MACF1: variants seen among roughly 807,000 people sequenced by gnomAD.
MACF1 encodes the protein microtubule actin crosslinking factor 1, also known as microtubule-actin cross-linking factor 1.
A neutral mutation model predicts 854.8 loss-of-function variants in MACF1; 193 were observed. The ratio of observed to expected loss-of-function variants is 0.23; its 90% CI spans 0.20 to 0.25. The LOEUF (loss-of-function observed/expected upper bound fraction) is 0.25, where lower values mean the gene tolerates loss of function less well. Ranked by LOEUF, MACF1 falls within the 10% of genes least tolerant of loss-of-function variation. MACF1 has a pLI of 1.00. For missense variants in MACF1, 7,722 were observed against 8,929.1 expected (o/e 0.86, Z 5.45); for synonymous variants, 3,185 against 3,226.7 (o/e 0.99, Z 0.44).
At chr1:39,452,615 T>A in intron 86 of MACF1, 69 bp from the exon 87 acceptor site, 2 of 1,595,300 alleles carry the variant, frequency 1.3e-6, no homozygotes, top group Non-Finnish European at 1.7e-6. Flanking sequence ...ACCCTTTCCC[T>A]AGCATGTCCC....
intron 87 of MACF1, among the ~76,000 whole-genome samples, chr1:39,453,237 G>A (rs937806563): frequency 2.6e-5 from 4 of 152,070 alleles, no homozygotes; most frequent in Non-Finnish European, 4.4e-5. Context: ...GGTGGGAAAT[G>A]TTTCCCTTTT....
intron 58 of MACF1, chr1:39,410,505 TA>T (rs1642942476): frequency 6.2e-7 from 1 of 1,613,920 alleles, no homozygotes; most frequent in Non-Finnish European, 8.5e-7. Flanking sequence ...GAGCAGCATC[TA>T]ATGTTTTTGA....
chr1:39,367,227 G>A (rs1011679901), intron 49 of MACF1, among the ~76,000 whole-genome samples: 4 of 151,168 alleles, frequency 2.6e-5, no homozygotes, highest in Non-Finnish European at 4.4e-5. Context: ...GATTACAGAC[G>A]TGAGCCACCG....
At chr1:39,323,630 A>G (rs938338638) in intron 33 of MACF1, among the ~76,000 whole-genome samples, 1 of 152,060 alleles carries the variant, frequency 6.6e-6, no homozygotes, top group African/African-American at 2.4e-5. Context: ...TATGTATTTT[A>G]GACTTGTTTG....
At chr1:39,161,831 C>T (rs1009056584) in intron 2 of MACF1, among the ~76,000 whole-genome samples, 14 of 151,550 alleles carry the variant, frequency 9.2e-5, no homozygotes, top group Non-Finnish European at 2.1e-4. Context: ...CGTGCCACTG[C>T]ACTCCAGCTT....
intron 58 of MACF1, chr1:39,414,051 C>T: frequency 2.5e-6 from 4 of 1,607,008 alleles, no homozygotes; most frequent in Non-Finnish European, 2.5e-6. Flanking sequence ...CTGCAGTGCT[C>T]ACCCCAGAGG....
intron 44 of MACF1, among the ~76,000 whole-genome samples, chr1:39,355,642 T>G (rs1032012583): frequency 6.6e-6 from 1 of 152,030 alleles, no homozygotes; most frequent in Non-Finnish European, 1.5e-5. Flanking sequence ...ATTTTTGTAT[T>G]CTTAGTAGAG....
intron 2 of MACF1, among the ~76,000 whole-genome samples, chr1:39,187,124 G>A (rs997356515): frequency 2.0e-5 from 3 of 151,650 alleles, no homozygotes; most frequent in Non-Finnish European, 2.9e-5. Flanking sequence ...CGTTATTGCC[G>A]TTATATTCAG....
intron 74 of MACF1, among the ~76,000 whole-genome samples, chr1:39,441,569 G>A (rs991316644): frequency 5.9e-5 from 9 of 152,134 alleles, no homozygotes; most frequent in African/African-American, 1.9e-4. Flanking sequence ...ATTCAGCTAC[G>A]TTGTGAAGCT....
chr1:39,291,893 T>C lies in MACF1; in HGVS notation c.1786-17T>C. The C allele has an allele frequency of 6.2e-7, 1 of 1,609,750 alleles. No homozygotes were observed. The highest frequency in any genetic ancestry group is 8.5e-7 in the Non-Finnish European group (1 of 1,178,578). On this transcript the variant is annotated splice_polypyrimidine_tract_variant and intron_variant, in intron 15 of 100. Coordinates refer to ENST00000564288, the MANE Select transcript of MACF1 (RefSeq NM_001394062.1). The stretch of plus-strand genomic sequence containing the variant: ...CCAGCAGTAAATTATGTCATATATA[T>C]ATTTTTTCTTTTTCAGATGAAACTG...
At chr1:39,249,351 C>T (rs1645014902) in intron 2 of MACF1, among the ~76,000 whole-genome samples, 1 of 152,094 alleles carries the variant, frequency 6.6e-6, no homozygotes, top group South Asian at 2.1e-4. Context: ...CTTATTTCCT[C>T]ATGTGTAAAA....
intron 2 of MACF1, among the ~76,000 whole-genome samples, chr1:39,145,699 C>T (rs1248879407): frequency 1.3e-5 from 2 of 152,192 alleles, no homozygotes; most frequent in Non-Finnish European, 2.9e-5. Flanking sequence ...CTTGTCACAG[C>T]ATCTGACACC....
At chr1:39,103,512 A>G (rs947403748) in intron 2 of MACF1, 1 of 154,552 alleles carries the variant, frequency 6.5e-6, no homozygotes. Context: ...TAGCATTTCT[A>G]TATTCTCTGC....
chr1:39,087,918 G>A (rs2148117964), intron 2 of MACF1, among the ~76,000 whole-genome samples: 1 of 151,760 alleles, frequency 6.6e-6, no homozygotes, highest in Admixed American at 6.6e-5. Flanking sequence ...GATTACAGGC[G>A]TGTGCCACCA....
At position 39,341,057 on chromosome 1, in the gene MACF1, G is replaced by A. The variant is rs574750201; in HGVS notation, c.10581+104G>A. Reference sequence around the variant, plus strand: ...TATCTTTTTTTTTTTTTTTTGAGACGGAGTCTTGCTCTGTCACCCAAGCTG... The same window carrying A: ...TATCTTTTTTTTTTTTTTTTGAGACAGAGTCTTGCTCTGTCACCCAAGCTG... On this transcript the variant is annotated intron_variant, in intron 40 of 100. Coordinates refer to ENST00000564288, the MANE Select transcript of MACF1 (RefSeq NM_001394062.1). 3.7e-5 allele frequency: 37 copies of A among 994,684 alleles called. 1 individual carries two copies. The highest frequency in any genetic ancestry group is 2.4e-4 in the African/African-American group (14 of 58,366). 61.6% of individuals were successfully genotyped at this position (994,684 alleles called of 1,614,324 possible).
At chr1:39,226,834 T>G (rs1046384541) in intron 1 of MACF1, among the ~76,000 whole-genome samples, 2 of 151,780 alleles carry the variant, frequency 1.3e-5, no homozygotes, top group Non-Finnish European at 2.9e-5. Flanking sequence ...ATAGCTTTTA[T>G]AAAAAAAAGA....
At chr1:39,337,918 T>TGCC (rs1646849472) in intron 38 of MACF1, among the ~76,000 whole-genome samples, 1 of 152,048 alleles carries the variant, frequency 6.6e-6, no homozygotes, top group South Asian at 2.1e-4. Context: ...TACAGGCGCC[T>TGCC]GCCGCCACGC....
intron 94 of MACF1, chr1:39,464,684 C>T (rs373729262): frequency 1.1e-5 from 2 of 181,498 alleles, no homozygotes; most frequent in South Asian, 1.1e-4. Context: ...GAGAGGCGAG[C>T]GAGCGGATCA....
At chr1:39,111,970 CT>C (rs1225305837) in intron 2 of MACF1, among the ~76,000 whole-genome samples, 1 of 152,134 alleles carries the variant, frequency 6.6e-6, no homozygotes, top group African/African-American at 2.4e-5. Context: ...CCTAACACAT[CT>C]CTCTTCTCCA....
Sources: gnomAD v4.1 joint callset for allele counts (sites outside exome capture counted in the v4.1 genomes callset) on GRCh38, gnomAD v4.1.1 for gene constraint, MANE v1.5 for transcripts, NCBI Gene and HGNC (gene_info 2026-07-23, HGNC 2026-07-21) for gene names.